Variants in DNAI4 observed in about 807,000 individuals in gnomAD.
DNAI4 encodes WD repeat domain 78.
A neutral mutation model predicts 105.8 loss-of-function variants in DNAI4; 85 were observed. The observed-to-expected ratio is 0.80, with a 90% CI of 0.67 to 0.96. The LOEUF (loss-of-function observed/expected upper bound fraction) is 0.96. Ranked by LOEUF, DNAI4 falls within the 40% of genes least tolerant of loss-of-function variation. The pLI is 0.00. For missense variants in DNAI4, 1,014 were observed against 1,005.6 expected (o/e 1.01, Z -0.11); for synonymous variants, 352 against 331.5 (o/e 1.06, Z -0.67).
intron 13 of DNAI4, among the ~76,000 whole-genome samples, chr1:66,832,536 G>C (rs1014278668): frequency 5.3e-5 from 8 of 152,100 alleles, no homozygotes; most frequent in Admixed American, 2.0e-4. Flanking sequence ...GTTGGGGGTA[G>C]GGCAGTGGTG....
At chr1:66,818,079 T>C (rs896057976) in intron 16 of DNAI4, among the ~76,000 whole-genome samples, 3 of 152,072 alleles carry the variant, frequency 2.0e-5, no homozygotes, top group African/African-American at 7.2e-5. Context: ...ATTTTTGGCA[T>C]TAAGGAATGT....
chr1:66,818,200 T>TACCAAA (rs1477073021), intron 16 of DNAI4, among the ~76,000 whole-genome samples: 4 of 152,036 alleles, frequency 2.6e-5, no homozygotes, highest in African/African-American at 9.7e-5. Context: ...GGTAATTGAT[T>TACCAAA]TAGACTTACA....
intron 1 of DNAI4, among the ~76,000 whole-genome samples, chr1:66,907,665 T>C (rs1213541707): frequency 1.3e-5 from 2 of 152,170 alleles, no homozygotes; most frequent in African/African-American, 4.8e-5. Context: ...AGTCACTGGC[T>C]CTATCTCTAA....
At chr1:66,845,772 T>A (rs1447756438) in intron 8 of DNAI4, among the ~76,000 whole-genome samples, 1 of 150,754 alleles carries the variant, frequency 6.6e-6, no homozygotes, top group African/African-American at 2.4e-5. Flanking sequence ...ACTTACTTTA[T>A]GAACCCACTT....
intron 1 of DNAI4, among the ~76,000 whole-genome samples, chr1:66,924,092 G>A (rs188612041): frequency 9.9e-5 from 15 of 152,244 alleles, no homozygotes; most frequent in Non-Finnish European, 2.2e-4. Flanking sequence ...AGAGACTGCA[G>A]GCCTTAACAA....
chr1:66,893,178 A>G (rs1648001008), intron 3 of DNAI4, 51 bp downstream of exon 3: 1 of 1,094,748 alleles, frequency 9.1e-7, no homozygotes, highest in Non-Finnish European at 1.2e-6. Context: ...ATTTAAATGG[A>G]AAGGCAATAT....
intron 2 of DNAI4, among the ~76,000 whole-genome samples, chr1:66,901,649 T>C (rs1018868769): frequency 3.3e-5 from 5 of 152,228 alleles, no homozygotes; most frequent in African/African-American, 4.8e-5. Flanking sequence ...CTTTTAGCTA[T>C]TGTGCATAAT....
Position 66,837,814 on chromosome 1 carries a change from A to G in DNAI4, c.1495-18T>C, listed in dbSNP as rs1176254624. ...AAAAGATCCTGAAAACCAGAAAAAT[A>G]CATTTAAAAATAAGAGAAGATAGCA... On this transcript the variant is annotated intron_variant, in intron 9 of 16. Coordinates refer to ENST00000371026, the MANE Select transcript of DNAI4 (RefSeq NM_024763.5). 3 of 1,586,902 alleles carry G rather than the reference A, an allele frequency of 1.9e-6. No homozygotes were observed. The highest frequency in any genetic ancestry group is 2.6e-6 in the Non-Finnish European group (3 of 1,169,090).
At chr1:66,853,960 T>C (rs975859248) in intron 7 of DNAI4, among the ~76,000 whole-genome samples, 1 of 152,190 alleles carries the variant, frequency 6.6e-6, no homozygotes, top group Non-Finnish European at 1.5e-5. Context: ...TGATTGTGTA[T>C]GTTGAAAATC....
At chr1:66,836,264 GAAAGAAAGAA>G in intron 10 of DNAI4, among the ~76,000 whole-genome samples, 1 of 25,500 alleles carries the variant, frequency 3.9e-5, no homozygotes, top group East Asian at 1.1e-3. Context: ...GAGAAAGAAA[GAAAGAAAGAA>G]AGAAAGAAAG....
intron 1 of DNAI4, among the ~76,000 whole-genome samples, chr1:66,909,412 A>G (rs1479122995): frequency 4.0e-5 from 6 of 151,356 alleles, no homozygotes; most frequent in African/African-American, 1.2e-4. Context: ...CCACAATACT[A>G]ACTCTAATAA....
chr1:66,862,434 C>A, intron 6 of DNAI4, 132 bp from the exon 7 acceptor site: 1 of 929,682 alleles, frequency 1.1e-6, no homozygotes. Flanking sequence ...CCCGTGCCAG[C>A]TACTTGGTCC....
intron 7 of DNAI4, among the ~76,000 whole-genome samples, chr1:66,857,625 C>G (rs1646530570): frequency 6.6e-6 from 1 of 151,542 alleles, no homozygotes. Flanking sequence ...ACCTCTGCCT[C>G]CCAGGTTCAA....
chr1:66,893,056 A>AAAGAAAGAAAGGAAG, intron 3 of DNAI4, among the ~76,000 whole-genome samples, 173 bp downstream of exon 3: 1 of 88,902 alleles, frequency 1.1e-5, no homozygotes, highest in African/African-American at 4.8e-5. Flanking sequence ...AGAAAGAAAG[A>AAAGAAAGAAAGGAAG]GAGAGAGAGA....
At chr1:66,826,055 A>T (rs1254575023) in intron 15 of DNAI4, among the ~76,000 whole-genome samples, 1 of 152,194 alleles carries the variant, frequency 6.6e-6, no homozygotes, top group Non-Finnish European at 1.5e-5. Context: ...TAATATCTTA[A>T]ATCAAAAATT....
intron 1 of DNAI4, among the ~76,000 whole-genome samples, chr1:66,916,786 G>C (rs928162776): frequency 2.6e-5 from 4 of 151,950 alleles, no homozygotes; most frequent in Non-Finnish European, 2.9e-5. Context: ...AAATTTTATA[G>C]TTTATAAAAT....
chr1:66,898,062 TC>T lies in DNAI4; in HGVS notation c.346-4650del, dbSNP rs1451851783. 2.6e-5 allele frequency among the ~76,000 whole-genome samples: 4 copies of T among 152,310 alleles called. No homozygotes were observed. In the East Asian group the frequency reaches 7.7e-4, roughly 29 times the overall value. ...GGGACCCAATCCCTGCACCAGTGTG[TC>T]CAGAAGGCAGTACATGGAGTCAAAA... On this transcript the variant is annotated intron_variant, in intron 2 of 16. Transcript: ENST00000371026.
intron 16 of DNAI4, among the ~76,000 whole-genome samples, chr1:66,817,596 C>A (rs1173522537): frequency 4.0e-5 from 6 of 150,654 alleles, no homozygotes; most frequent in Non-Finnish European, 5.9e-5. Context: ...AAAAAAAAAA[C>A]GGATAGAATC....
intron 1 of DNAI4, among the ~76,000 whole-genome samples, chr1:66,906,471 T>C (rs1209561488): frequency 1.2e-4 from 18 of 152,170 alleles, no homozygotes; most frequent in Non-Finnish European, 2.9e-5. Flanking sequence ...AAGAATAAAA[T>C]ATTTTTAAAT....
Sources: gnomAD v4.1 joint callset for allele counts (sites outside exome capture counted in the v4.1 genomes callset) on GRCh38, gnomAD v4.1.1 for gene constraint, MANE v1.5 for transcripts, NCBI Gene and HGNC (gene_info 2026-07-23, HGNC 2026-07-21) for gene names.